PLCL1: variants seen among roughly 807,000 people sequenced by gnomAD.
PLCL1 encodes the protein inactive phospholipase C-like protein 1.
A neutral mutation model predicts 84.4 loss-of-function variants in PLCL1; 41 were observed. The observed-to-expected ratio is 0.49, with a 90% CI of 0.38 to 0.63. PLCL1 has a LOEUF of 0.63. Among genes scored for constraint, PLCL1 ranks in the 30% least tolerant of loss-of-function variants. The pLI, the probability that PLCL1 is intolerant of heterozygous loss-of-function variation, is 0.00. For missense variants in PLCL1, 1,206 were observed against 1,367.8 expected (o/e 0.88, Z 1.87); for synonymous variants, 490 against 488.3 (o/e 1.00, Z -0.05).
chr2:197,840,130 A>G (rs905544977), intron 1 of PLCL1, among the ~76,000 whole-genome samples: 3 of 152,142 alleles, frequency 2.0e-5, no homozygotes, highest in African/African-American at 7.2e-5. Flanking sequence ...AGAAGGGTAA[A>G]TGAAATAGTT....
intron 1 of PLCL1, among the ~76,000 whole-genome samples, chr2:197,847,177 A>G (rs1687133270): frequency 6.6e-6 from 1 of 152,126 alleles, no homozygotes; most frequent in Non-Finnish European, 1.5e-5. Context: ...CAGCATAAAC[A>G]TGTTCCCATT....
At chr2:197,829,949 G>A (rs925207689) in intron 1 of PLCL1, among the ~76,000 whole-genome samples, 2 of 152,128 alleles carry the variant, frequency 1.3e-5, no homozygotes, top group Admixed American at 1.3e-4. Flanking sequence ...TCATTTACAA[G>A]TATAAATAAA....
intron 1 of PLCL1, among the ~76,000 whole-genome samples, chr2:197,824,421 G>T (rs545828344): frequency 1.3e-5 from 2 of 151,516 alleles, no homozygotes; most frequent in Non-Finnish European, 2.9e-5. Context: ...TATGCAAAAC[G>T]TGAATGAAAA....
intron 1 of PLCL1, among the ~76,000 whole-genome samples, chr2:197,936,805 T>C (rs1689063541): frequency 6.6e-6 from 1 of 152,184 alleles, no homozygotes; most frequent in African/African-American, 2.4e-5. Context: ...TTTAAGGTGC[T>C]TAAGGTTTTT....
intron 1 of PLCL1, among the ~76,000 whole-genome samples, chr2:198,055,652 C>CT (rs1415649174): frequency 1.3e-5 from 2 of 151,600 alleles, no homozygotes; most frequent in Non-Finnish European, 2.9e-5. Context: ...ATTAATAAGG[C>CT]TTTTTATCTC....
intron 1 of PLCL1, among the ~76,000 whole-genome samples, chr2:198,049,994 G>GC (rs1395119082): frequency 6.6e-6 from 1 of 152,196 alleles, no homozygotes; most frequent in Non-Finnish European, 1.5e-5. Flanking sequence ...TTGTATGAAA[G>GC]CTTTGAGAAA....
intron 5 of PLCL1, among the ~76,000 whole-genome samples, chr2:198,121,712 T>C (rs1263670876): frequency 6.6e-6 from 1 of 152,128 alleles, no homozygotes; most frequent in Non-Finnish European, 1.5e-5. Context: ...ATTACAGCTC[T>C]GTCTTATAAT....
intron 1 of PLCL1, among the ~76,000 whole-genome samples, chr2:197,993,677 A>G (rs6724526): frequency 0.72 from 109,019 of 152,086 alleles, 39,988 homozygotes; most frequent in African/African-American, 0.87. Context: ...AGAAGCTGTC[A>G]ACTTCTCTAG....
chr2:198,142,316 A>G (rs1694408098), intron 5 of PLCL1, among the ~76,000 whole-genome samples: 3 of 152,198 alleles, frequency 2.0e-5, no homozygotes. Context: ...TTAAGTGTTC[A>G]GTAAATGTTA....
At chr2:198,041,532 A>C (rs965406687) in intron 1 of PLCL1, among the ~76,000 whole-genome samples, 1 of 152,210 alleles carries the variant, frequency 6.6e-6, no homozygotes, top group African/African-American at 2.4e-5. Context: ...GAGGCATACA[A>C]ATGAAATCTG....
Position 198,088,944 on chromosome 2 carries a change from C to T in PLCL1, c.2802C>T (p.Leu934=). Residue 934 remains leucine, a synonymous_variant, in exon 3 of 6, where the codon CTC becomes CTT. Coordinates refer to ENST00000428675, the MANE Select transcript of PLCL1 (RefSeq NM_006226.4). ...GCCTGTTAACTCTGTCATCTCGGCT[C>T]ATCACCAGTGACAATACTCCTTCAG... The part of the protein sequence containing the change: ...KQCLLTLSSR[L]ITSDNTPSVS... 1 of 1,612,534 alleles carries T rather than the reference C, an allele frequency of 6.2e-7. No homozygotes were observed. The highest frequency in any genetic ancestry group is 2.2e-5 in the East Asian group (1 of 44,882).
At chr2:198,035,321 G>A (rs1026292199) in intron 1 of PLCL1, among the ~76,000 whole-genome samples, 8 of 152,188 alleles carry the variant, frequency 5.3e-5, no homozygotes, top group African/African-American at 1.9e-4. Flanking sequence ...TCCTCTGACA[G>A]GATAAAGAAG....
At chr2:198,137,847 C>T (rs1293369301) in intron 5 of PLCL1, among the ~76,000 whole-genome samples, 2 of 152,066 alleles carry the variant, frequency 1.3e-5, no homozygotes, top group South Asian at 2.1e-4. Flanking sequence ...AAATAGGTTC[C>T]GTAGGGGCAG....
intron 1 of PLCL1, among the ~76,000 whole-genome samples, chr2:197,816,605 C>T (rs1690695075): frequency 6.6e-6 from 1 of 151,878 alleles, no homozygotes; most frequent in South Asian, 2.1e-4. Flanking sequence ...AAGGATGGAC[C>T]ATTACTTAAT....
At chr2:197,994,873 G>T (rs867878839) in intron 1 of PLCL1, among the ~76,000 whole-genome samples, 1 of 152,176 alleles carries the variant, frequency 6.6e-6, no homozygotes, top group Non-Finnish European at 1.5e-5. Flanking sequence ...CAAAGCAGAC[G>T]TGTCCTAGGC....
chr2:198,121,913 A>G, intron 5 of PLCL1, among the ~76,000 whole-genome samples: 1 of 151,952 alleles, frequency 6.6e-6, no homozygotes, highest in East Asian at 1.9e-4. Context: ...CTATCAGGCA[A>G]CTGGTGACTG....
At position 197,855,398 on chromosome 2, in the gene PLCL1, T is replaced by C. The variant is rs78856199; in HGVS notation, c.240+50059T>C. Among the ~76,000 whole-genome samples, 245 of 152,312 alleles carry C rather than the reference T, an allele frequency of 1.6e-3. 8 individuals are homozygous for C. The East Asian group carries it at 0.04, about 25-fold the overall frequency. On this transcript the variant is annotated intron_variant, in intron 1 of 5. Transcript: ENST00000428675. ...CAGTCCTGTTCTTAGTGACTTAATC[T>C]GGTCATTCACAACAAATCAATCTTT...
chr2:198,064,760 A>T (rs1311243049), intron 1 of PLCL1, among the ~76,000 whole-genome samples: 1 of 152,188 alleles, frequency 6.6e-6, no homozygotes, highest in Non-Finnish European at 1.5e-5. Context: ...TGATTCATTT[A>T]TGACTGTACT....
rs1052053154 is a variant in PLCL1, at chr2:197,997,402, G to C, written c.241-86356G>C. On this transcript the variant is annotated intron_variant, in intron 1 of 5. Transcript: ENST00000428675. ...CAAGTGGTTTCTTGTGATCTGCTGA[G>C]GTCGGCTTCTGATAATTAGAAGTGA... Among the ~76,000 whole-genome samples, 3 of 152,186 alleles carry C rather than the reference G, an allele frequency of 2.0e-5. No homozygotes were observed. The East Asian group carries it at 5.8e-4, about 29-fold the overall frequency.
Sources: allele counts gnomAD v4.1 joint callset (sites outside exome capture counted in the v4.1 genomes callset), GRCh38; gene constraint gnomAD v4.1.1; transcripts MANE v1.5; gene names NCBI Gene and HGNC (gene_info 2026-07-23, HGNC 2026-07-21).